The following MIER1 variants were observed in gnomAD, a reference collection of about 807,000 sequenced individuals.
MIER1 encodes the protein MIER1 transcriptional regulator.
In MIER1, 40 loss-of-function variants were observed where a neutral mutation model predicts 75.7. The observed-to-expected ratio is 0.53, with a 90% CI of 0.41 to 0.69. The LOEUF (loss-of-function observed/expected upper bound fraction) is 0.69. Ranked by LOEUF, MIER1 falls within the 30% of genes least tolerant of loss-of-function variation. MIER1 has a pLI of 0.00. For missense variants in MIER1, 574 were observed against 680.2 expected, an observed-to-expected ratio of 0.84 and a Z score of 1.74; for synonymous variants, 213 against 223.4, an observed-to-expected ratio of 0.95 and a Z score of 0.42.
chr1:66,934,834 T>C (rs1654375098), intron 2 of MIER1, among the ~76,000 whole-genome samples: 1 of 152,184 alleles, frequency 6.6e-6, no homozygotes, highest in Admixed American at 6.5e-5. Context: ...TTAATTTTAT[T>C]GGAGGAGAGG....
intron 3 of MIER1, among the ~76,000 whole-genome samples, chr1:66,944,179 T>G (rs1488514616): frequency 2.0e-5 from 3 of 152,142 alleles, no homozygotes; most frequent in African/African-American, 7.2e-5. Context: ...ATTCCCTTAT[T>G]CATAATAGTC....
At chr1:66,961,834 AG>A (rs962183963) in intron 7 of MIER1, among the ~76,000 whole-genome samples, 8 of 152,234 alleles carry the variant, frequency 5.3e-5, no homozygotes, top group Non-Finnish European at 1.0e-4. Context: ...GTAAGGGTAG[AG>A]AAAATTTGTT....
chr1:66,950,740 G>C (rs1031305022), intron 4 of MIER1, among the ~76,000 whole-genome samples: 1 of 151,584 alleles, frequency 6.6e-6, no homozygotes, highest in South Asian at 2.1e-4. Context: ...AGAAATCTCA[G>C]TGTGAGGATT....
At chr1:66,954,827 C>G (rs1659759255) in intron 4 of MIER1, among the ~76,000 whole-genome samples, 1 of 152,108 alleles carries the variant, frequency 6.6e-6, no homozygotes, top group African/African-American at 2.4e-5. Flanking sequence ...CTGCCTCAGC[C>G]TCCTCAGTAG....
chr1:66,952,242 A>T (rs770394195), intron 4 of MIER1, among the ~76,000 whole-genome samples: 1 of 152,198 alleles, frequency 6.6e-6, no homozygotes, highest in African/African-American at 2.4e-5. Flanking sequence ...TGATGTTTCA[A>T]TTTAAGTTGA....
At chr1:66,943,543 C>T (rs953753103) in intron 3 of MIER1, among the ~76,000 whole-genome samples, 2 of 151,780 alleles carry the variant, frequency 1.3e-5, no homozygotes, top group Non-Finnish European at 2.9e-5. Flanking sequence ...CCTTTCCTTT[C>T]GTTTAGTTTT....
intron 4 of MIER1, among the ~76,000 whole-genome samples, chr1:66,949,831 G>A (rs1052993422): frequency 3.3e-5 from 5 of 152,166 alleles, no homozygotes; most frequent in African/African-American, 1.2e-4. Flanking sequence ...ATGAATTTTT[G>A]ATGTATTGTG....
chr1:66,976,723 G>T lies in MIER1; in HGVS notation c.1229+1G>T. The T allele has an allele frequency of 6.3e-7, 1 of 1,575,160 alleles. No individual in the cohort carries two copies. Among genetic ancestry groups the T allele is most frequent in the Non-Finnish European group, 8.6e-7 (1 of 1,163,738 alleles). Reference sequence around the variant, plus strand: ...AATATAATCTTCATCCTGGTGTAACGTGAGTTAATTTTTTCCTTAAGAGCT... The same window carrying T: ...AATATAATCTTCATCCTGGTGTAACTTGAGTTAATTTTTTCCTTAAGAGCT... On this transcript the variant is annotated splice_donor_variant, in intron 12 of 13. Transcript: ENST00000401041. LOFTEE classifies it high-confidence loss of function.
At chr1:66,976,744 G>A in intron 12 of MIER1, 22 bp downstream of exon 12, 1 of 1,551,324 alleles carries the variant, frequency 6.4e-7, no homozygotes, top group South Asian at 1.2e-5. Context: ...TTTTCCTTAA[G>A]AGCTATATAT....
In MIER1 at chr1:66,987,796, C is replaced by T. The variant is rs981005348; in HGVS notation, c.*2896C>T. On this transcript the variant is annotated 3_prime_UTR_variant, in exon 14 of 14. Coordinates refer to ENST00000401041, the MANE Select transcript of MIER1 (RefSeq NM_001077700.3). ...ATATACACAGTCTGTTTCTTCTATT[C>T]CTAGACATATTGCACTACTTTTTCA... 5 of 152,040 alleles carry T rather than the reference C, an allele frequency of 3.3e-5. No homozygotes were observed. The highest frequency in any genetic ancestry group is 7.4e-5 in the Non-Finnish European group (5 of 67,938). The allele number at this position is 152,040 out of a possible 1,614,324, so 9.4% of individuals were successfully genotyped here.
chr1:66,925,685 C>T (rs911611330), intron 1 of MIER1, among the ~76,000 whole-genome samples: 19 of 152,194 alleles, frequency 1.2e-4, no homozygotes, highest in Non-Finnish European at 8.8e-5. Flanking sequence ...TACTCTTGTT[C>T]TTTCAGCTTG....
chr1:66,947,975 A>G (rs1570253762), intron 4 of MIER1: 1 of 985,122 alleles, frequency 1.0e-6, no homozygotes, highest in Non-Finnish European at 1.2e-6. Flanking sequence ...CCTGTCCCCT[A>G]ATTAGGTTTT....
At chr1:66,975,884 G>C (rs1039213267) in intron 11 of MIER1, among the ~76,000 whole-genome samples, 1 of 152,126 alleles carries the variant, frequency 6.6e-6, no homozygotes, top group Non-Finnish European at 1.5e-5. Context: ...TTTCAAAAGG[G>C]AATTTAAAGA....
rs139093659 is a variant in MIER1, at chr1:66,986,666, T to A, written c.*1766T>A. 1 of 518,234 alleles carries A rather than the reference T, an allele frequency of 1.9e-6. No homozygotes were observed. Among genetic ancestry groups the A allele is most frequent in the African/African-American group, 1.9e-5 (1 of 51,810 alleles). 32.1% of individuals were successfully genotyped at this position (518,234 alleles called of 1,614,324 possible). On this transcript the variant is annotated 3_prime_UTR_variant, in exon 14 of 14. Coordinates refer to ENST00000401041, the MANE Select transcript of MIER1 (RefSeq NM_001077700.3). Reference sequence around the variant, plus strand: ...TAAAAGCCACTTTGCAACACTTGACTTCATCTTAATGTACATTCACTGTTG... The same window carrying A: ...TAAAAGCCACTTTGCAACACTTGACATCATCTTAATGTACATTCACTGTTG...
intron 2 of MIER1, among the ~76,000 whole-genome samples, chr1:66,935,617 G>A (rs1014705637): frequency 2.0e-5 from 3 of 152,158 alleles, no homozygotes; most frequent in Non-Finnish European, 4.4e-5. Flanking sequence ...GTACATGAAA[G>A]TGGTTAGAAA....
chr1:66,978,163 T>C (rs1665119934), intron 12 of MIER1, among the ~76,000 whole-genome samples: 1 of 146,486 alleles, frequency 6.8e-6, no homozygotes, highest in Admixed American at 7.0e-5. Context: ...ACCACTGCAC[T>C]CCAGCCTGGG....
intron 2 of MIER1, among the ~76,000 whole-genome samples, chr1:66,938,875 C>G (rs927834318): frequency 6.6e-6 from 1 of 152,082 alleles, no homozygotes; most frequent in African/African-American, 2.4e-5. Flanking sequence ...GAATGAGTCA[C>G]CATATGGAAT....
rs146704637 is a variant in MIER1, at chr1:66,932,950, A to G, written c.168+6708A>G. 6.4e-3 allele frequency: 970 copies of G among 152,286 alleles called. 9 individuals are homozygous for G. Among genetic ancestry groups the G allele is most frequent in the African/African-American group, 0.022 (904 of 41,574 alleles). 9.4% of individuals were successfully genotyped at this position (152,286 alleles called of 1,614,324 possible). ...AAAGTGCTTTAGATGAGAATAGGAT[A>G]TACTAATTTTTTATATTTGATCTGA... is the stretch of plus-strand genomic sequence containing the variant. On this transcript the variant is annotated intron_variant, in intron 2 of 13. Coordinates refer to ENST00000401041, the MANE Select transcript of MIER1 (RefSeq NM_001077700.3).
chr1:66,926,698 G>C (rs1651881681), intron 2 of MIER1, among the ~76,000 whole-genome samples: 1 of 152,116 alleles, frequency 6.6e-6, no homozygotes. Context: ...GGTGTAGGCT[G>C]TTGCTTTTAA....
Sources: gnomAD v4.1 joint callset for allele counts (sites outside exome capture counted in the v4.1 genomes callset) on GRCh38, gnomAD v4.1.1 for gene constraint, MANE v1.5 for transcripts, NCBI Gene and HGNC (gene_info 2026-07-23, HGNC 2026-07-21) for gene names.